Variants in FAM53A observed in about 807,000 individuals in gnomAD.
FAM53A encodes family with sequence similarity 53 member A.
A neutral mutation model predicts 26.6 loss-of-function variants in FAM53A; 28 were observed. The ratio of observed to expected loss-of-function variants is 1.05; its 90% CI spans 0.78 to 1.45. The LOEUF (loss-of-function observed/expected upper bound fraction) is 1.45, where lower values mean the gene tolerates loss of function less well. FAM53A is among the 40% of genes most tolerant of loss of function. The pLI, the probability that FAM53A is intolerant of heterozygous loss-of-function variation, is 0.00. For missense variants in FAM53A, 650 were observed against 575.8 expected (o/e 1.13, Z -1.32); for synonymous variants, 290 against 253.1 (o/e 1.15, Z -1.38).
chr4:1,671,108 G>A (rs1358895837), intron 1 of FAM53A, among the ~76,000 whole-genome samples: 17 of 131,740 alleles, frequency 1.3e-4, no homozygotes, highest in Non-Finnish European at 1.9e-4. Context: ...CTGTCCCAGC[G>A]TCAGAGCCAC....
At chr4:1,624,275 G>A (rs1415333420) in intron 1 of FAM53A, among the ~76,000 whole-genome samples, 4 of 152,218 alleles carry the variant, frequency 2.6e-5, no homozygotes, top group Non-Finnish European at 4.4e-5. Context: ...ACGGCAGGCA[G>A]GGTGGGGCTG....
intron 3 of FAM53A, 61 bp from the exon 4 acceptor site, chr4:1,655,784 T>G (rs1165396593): frequency 6.9e-7 from 1 of 1,451,912 alleles, no homozygotes; most frequent in African/African-American, 1.5e-5. Flanking sequence ...GCAGGCGACA[T>G]CCATCCCGGC....
In FAM53A at chr4:1,684,307, C is replaced by T. The variant is rs1259864602; in HGVS notation, c.-239G>A. 1 of 150,372 alleles carries T rather than the reference C, an allele frequency of 6.7e-6. No individual in the cohort carries two copies. The highest frequency in any genetic ancestry group is 1.5e-5 in the Non-Finnish European group (1 of 67,100). The allele number at this position is 150,372 out of a possible 1,614,324, so 9.3% of individuals were successfully genotyped here. Reference sequence around the variant, plus strand: ...GCCCCGCTCGCTCAGGGCGACGCGCCTCAGCCGCGGCGGAACAAAACCGCG... The same window carrying T: ...GCCCCGCTCGCTCAGGGCGACGCGCTTCAGCCGCGGCGGAACAAAACCGCG... On this transcript the variant is annotated 5_prime_UTR_variant, in exon 1 of 5. Coordinates refer to ENST00000308132, the MANE Select transcript of FAM53A (RefSeq NM_001174070.3).
At chr4:1,628,820 GGT>G (rs1715477904) in intron 1 of FAM53A, among the ~76,000 whole-genome samples, 1 of 120,394 alleles carries the variant, frequency 8.3e-6, no homozygotes, top group Non-Finnish European at 1.8e-5. Flanking sequence ...CATGGGGGAG[GGT>G]GGCATGGGGG....
rs192744244 is a variant in FAM53A, at chr4:1,645,687, G to A, written c.883-4080C>T. ...GTATGGAGTGAGTGCCCAGCAGTGC[G>A]CCCCCTGCCCAGCACTCGCTTCTGC... On this transcript the variant is annotated intron_variant, in intron 4 of 4. Transcript: ENST00000308132. Among the ~76,000 whole-genome samples the A allele has an allele frequency of 3.2e-3, 494 of 152,298 alleles. 3 individuals carry two copies. The highest frequency in any genetic ancestry group is 0.011 in the African/African-American group (462 of 41,566).
intron 4 of FAM53A, chr4:1,644,413 C>A: frequency 6.6e-7 from 1 of 1,506,196 alleles, no homozygotes. Flanking sequence ...AAAACTTCTG[C>A]CCACAGACAC....
the FAM53A span, among the ~76,000 whole-genome samples, chr4:1,606,253 G>T: frequency 6.6e-6 from 1 of 151,294 alleles, no homozygotes; most frequent in South Asian, 2.1e-4. Context: ...CACCGTGTTA[G>T]CCAGGATGGT....
At chr4:1,685,926 A>C (rs1000921389), upstream of FAM53A, among the ~76,000 whole-genome samples, 10 of 152,198 alleles carry the variant, frequency 6.6e-5, no homozygotes, top group African/African-American at 2.4e-4. Flanking sequence ...GACTGGAGAC[A>C]ACCACTTCAA....
the FAM53A span, among the ~76,000 whole-genome samples, chr4:1,611,481 C>G: frequency 6.6e-6 from 1 of 152,238 alleles, no homozygotes; most frequent in South Asian, 2.1e-4. Context: ...CTGACCTGCA[C>G]TGGCCCAGCT....
the FAM53A span, among the ~76,000 whole-genome samples, chr4:1,594,795 A>G: frequency 2.0e-5 from 3 of 152,212 alleles, no homozygotes; most frequent in Non-Finnish European, 4.4e-5. Flanking sequence ...GTGAGCCGTG[A>G]TGGTGCCACT....
intron 1 of FAM53A, among the ~76,000 whole-genome samples, chr4:1,671,021 A>G (rs1577147888): frequency 2.7e-5 from 4 of 150,920 alleles, no homozygotes. Flanking sequence ...AACAGCTCAC[A>G]GCCACGGCCC....
the FAM53A span, among the ~76,000 whole-genome samples, chr4:1,591,230 C>T: frequency 3.9e-5 from 6 of 151,918 alleles, no homozygotes; most frequent in Non-Finnish European, 7.4e-5. Flanking sequence ...GAGCATACAG[C>T]AGCAGTTTGT....
intron 2 of FAM53A, among the ~76,000 whole-genome samples, chr4:1,658,414 C>G (rs1713574845): frequency 6.6e-6 from 1 of 152,260 alleles, no homozygotes; most frequent in Non-Finnish European, 1.5e-5. Context: ...CTGCAGCCGT[C>G]TTTGCAAACC....
At chr4:1,679,493 C>T (rs528740542) in intron 1 of FAM53A, among the ~76,000 whole-genome samples, 3 of 151,466 alleles carry the variant, frequency 2.0e-5, no homozygotes, top group Non-Finnish European at 2.9e-5. Flanking sequence ...CGAGACCAGC[C>T]TGGCCAATGT....
At chr4:1,594,639 T>TG in the FAM53A span, among the ~76,000 whole-genome samples, 1 of 152,210 alleles carries the variant, frequency 6.6e-6, no homozygotes, top group Non-Finnish European at 1.5e-5. Context: ...GGTTGGGAGT[T>TG]GGAGAACAGC....
chr4:1,602,067 C>T, the FAM53A span, among the ~76,000 whole-genome samples: 2 of 151,736 alleles, frequency 1.3e-5, no homozygotes, highest in Non-Finnish European at 2.9e-5. Flanking sequence ...TGGGTGTCAC[C>T]TTGGCGTGCC....
chr4:1,610,989 G>C, the FAM53A span, among the ~76,000 whole-genome samples: 33,275 of 152,200 alleles, frequency 0.22, 4,160 homozygotes, highest in Non-Finnish European at 0.28. Context: ...CCCTGCCACT[G>C]GCACCTGCTG....
At chr4:1,586,702 G>T in the FAM53A span, among the ~76,000 whole-genome samples, 1 of 148,196 alleles carries the variant, frequency 6.7e-6, no homozygotes, top group Middle Eastern at 3.6e-3. Context: ...AGAATGGTGT[G>T]AACCTGGGAG....
the FAM53A span, among the ~76,000 whole-genome samples, chr4:1,591,638 C>A: frequency 6.6e-6 from 1 of 152,206 alleles, no homozygotes; most frequent in Admixed American, 6.5e-5. Context: ...CTGGTTCCTT[C>A]TGAGCACATG....
Sources: allele counts gnomAD v4.1 joint callset (sites outside exome capture counted in the v4.1 genomes callset), GRCh38; gene constraint gnomAD v4.1.1; transcripts MANE v1.5; gene names NCBI Gene and HGNC (gene_info 2026-07-23, HGNC 2026-07-21).